The following NUP210L variants were observed in gnomAD, a reference collection of about 807,000 sequenced individuals.
The protein encoded by NUP210L is nuclear pore membrane glycoprotein 210-like.
NUP210L carries 74 observed loss-of-function variants against 208.5 expected under a neutral mutation model. The observed-to-expected ratio is 0.35, with a 90% CI of 0.29 to 0.43. The LOEUF (loss-of-function observed/expected upper bound fraction) is 0.43, where lower values mean the gene tolerates loss of function less well. Ranked by LOEUF, NUP210L falls within the 20% of genes least tolerant of loss-of-function variation. The probability of loss-of-function intolerance (pLI) is 1.00; values close to 1 mark genes in which losing one functional copy is unlikely to be tolerated. For missense variants in NUP210L, 1,843 were observed against 2,289.4 expected, an observed-to-expected ratio of 0.81 and a Z score of 3.98; for synonymous variants, 780 against 816.9, an observed-to-expected ratio of 0.95 and a Z score of 0.77.
At chr1:154,066,673 A>G (rs962112831) in intron 17 of NUP210L, among the ~76,000 whole-genome samples, 2 of 152,334 alleles carry the variant, frequency 1.3e-5, no homozygotes, top group South Asian at 2.1e-4. Context: ...TGAAAAGATC[A>G]ACAAAATTGA....
intron 31 of NUP210L, 119 bp downstream of exon 31, chr1:154,023,003 A>G: frequency 8.7e-7 from 1 of 1,147,938 alleles, no homozygotes; most frequent in South Asian, 1.5e-5. Context: ...TTTTAACAAA[A>G]GAAAGATCAA....
intron 3 of NUP210L, among the ~76,000 whole-genome samples, chr1:154,141,930 G>A (rs1658868759): frequency 6.6e-6 from 1 of 152,114 alleles, no homozygotes; most frequent in Non-Finnish European, 1.5e-5. Context: ...GGGAGGCCAA[G>A]GCAGGAGGAT....
chr1:154,061,066 C>A lies in NUP210L; in HGVS notation c.2644-20G>T. 1 of 1,533,950 alleles carries A rather than the reference C, an allele frequency of 6.5e-7. No homozygotes were observed. Among genetic ancestry groups the A allele is most frequent in the South Asian group, 1.1e-5 (1 of 89,256 alleles). Reference sequence around the variant, plus strand: ...AATTTCCTAGAAATATAATAAGAACCACAAAAGTGAATATAAACATCTAAT... The same window carrying A: ...AATTTCCTAGAAATATAATAAGAACAACAAAAGTGAATATAAACATCTAAT... On this transcript the variant is annotated intron_variant, in intron 18 of 39. Transcript: ENST00000368559.
At chr1:154,080,176 A>G (rs749094211) in intron 16 of NUP210L, among the ~76,000 whole-genome samples, 1 of 148,430 alleles carries the variant, frequency 6.7e-6, no homozygotes, top group Non-Finnish European at 1.5e-5. Flanking sequence ...CCTGGCCAAC[A>G]TGGCAAAACT....
At chr1:154,016,997 C>G (rs1246587403) in intron 33 of NUP210L, among the ~76,000 whole-genome samples, 1 of 151,670 alleles carries the variant, frequency 6.6e-6, no homozygotes, top group East Asian at 1.9e-4. Context: ...CACAAAAAAG[C>G]CTGGGCGCAG....
intron 23 of NUP210L, 55 bp from the exon 24 acceptor site, chr1:154,054,887 C>T (rs1222065603): frequency 1.6e-6 from 2 of 1,246,754 alleles, no homozygotes; most frequent in East Asian, 2.3e-5. Flanking sequence ...AATTTTATAA[C>T]ATATCATGGT....
chr1:154,153,040 T>C (rs1013641314), intron 1 of NUP210L, among the ~76,000 whole-genome samples, 168 bp from the exon 2 acceptor site: 1 of 152,178 alleles, frequency 6.6e-6, no homozygotes, highest in Non-Finnish European at 1.5e-5. Flanking sequence ...ACTGAGAGAT[T>C]GATGAGAACT....
intron 3 of NUP210L, among the ~76,000 whole-genome samples, chr1:154,142,251 T>C (rs1658886962): frequency 6.6e-6 from 1 of 151,674 alleles, no homozygotes; most frequent in Admixed American, 6.6e-5. Context: ...CAATACATTA[T>C]AATTTTTTTT....
chr1:154,102,662 T>A, intron 13 of NUP210L, among the ~76,000 whole-genome samples: 1 of 152,100 alleles, frequency 6.6e-6, no homozygotes, highest in East Asian at 1.9e-4. Flanking sequence ...GCTAAGCAAA[T>A]CTTAGATGCT....
chr1:154,065,915 A>AG (rs1310138070), intron 17 of NUP210L, among the ~76,000 whole-genome samples: 3 of 146,314 alleles, frequency 2.1e-5, no homozygotes, highest in Admixed American at 1.4e-4. Flanking sequence ...AAAAAAAAAA[A>AG]AAAGAAAGAA....
At chr1:154,115,885 G>A (rs918066314) in intron 12 of NUP210L, among the ~76,000 whole-genome samples, 3 of 152,032 alleles carry the variant, frequency 2.0e-5, no homozygotes, top group Non-Finnish European at 2.9e-5. Flanking sequence ...ATGGAAGGCC[G>A]GGGTGGGCGG....
At chr1:154,082,708 G>A (rs1655404451) in intron 16 of NUP210L, among the ~76,000 whole-genome samples, 1 of 152,176 alleles carries the variant, frequency 6.6e-6, no homozygotes, top group African/African-American at 2.4e-5. Context: ...TACGGAACTG[G>A]TCAGAAACGG....
At chr1:154,074,193 T>A (rs1181656306) in intron 16 of NUP210L, among the ~76,000 whole-genome samples, 1 of 152,174 alleles carries the variant, frequency 6.6e-6, no homozygotes, top group Non-Finnish European at 1.5e-5. Context: ...TGGGTGATAA[T>A]TTGAAATCTT....
rs188283379 is a variant in NUP210L at position 154,114,244 on chromosome 1, G to A, written c.1620+3481C>T. Among the ~76,000 whole-genome samples, 7 of 152,046 alleles carry A rather than the reference G, an allele frequency of 4.6e-5. No homozygotes were observed. The East Asian group carries it at 5.8e-4, about 13-fold the overall frequency. On this transcript the variant is annotated intron_variant, in intron 12 of 39. Transcript: ENST00000368559. ...TGAGGTCAAGGCTGGAGTAGGCCAC[G>A]ATTGTGCCACTGCATTGAACCTGGG...
chr1:154,124,127 C>T (rs964286576), intron 10 of NUP210L, among the ~76,000 whole-genome samples: 4 of 146,510 alleles, frequency 2.7e-5, no homozygotes, highest in African/African-American at 7.7e-5. Context: ...GCGGAGGTTG[C>T]AGTGAGCTGA....
At chr1:154,126,196 G>T in intron 10 of NUP210L, 127 bp downstream of exon 10, 1 of 740,924 alleles carries the variant, frequency 1.3e-6, no homozygotes. Context: ...TTACGAATTT[G>T]CTGTTTATCT....
chr1:154,076,088 C>G (rs561339676), intron 16 of NUP210L, among the ~76,000 whole-genome samples: 1 of 149,780 alleles, frequency 6.7e-6, no homozygotes, highest in Admixed American at 6.8e-5. Flanking sequence ...CATGCCTGGG[C>G]CAGACAAAGA....
At chr1:154,134,416 C>T (rs1432417262) in intron 7 of NUP210L, among the ~76,000 whole-genome samples, 2 of 144,798 alleles carry the variant, frequency 1.4e-5, no homozygotes, top group Non-Finnish European at 3.0e-5. Context: ...TACAGATCTC[C>T]GTGTACCTTT....
chr1:154,101,818 T>C (rs1461087221), intron 13 of NUP210L, among the ~76,000 whole-genome samples: 1 of 152,060 alleles, frequency 6.6e-6, no homozygotes, highest in East Asian at 1.9e-4. Context: ...AAATGAGATA[T>C]AAATGAGAAT....
Sources: gnomAD v4.1 joint callset for allele counts (sites outside exome capture counted in the v4.1 genomes callset) on GRCh38, gnomAD v4.1.1 for gene constraint, MANE v1.5 for transcripts, NCBI Gene and HGNC (gene_info 2026-07-23, HGNC 2026-07-21) for gene names.